The following ADGRB3 variants were observed in gnomAD, a reference collection of about 807,000 sequenced individuals.
The protein encoded by ADGRB3 is adhesion G protein-coupled receptor B3, also known as brain-specific angiogenesis inhibitor 3.
A neutral mutation model predicts 193.4 loss-of-function variants in ADGRB3; 37 were observed. The ratio of observed to expected loss-of-function variants is 0.19; its 90% confidence interval spans 0.15 to 0.25. The LOEUF (loss-of-function observed/expected upper bound fraction) is 0.25, where lower values mean the gene tolerates loss of function less well. Ranked by LOEUF, ADGRB3 falls within the 10% of genes least tolerant of loss-of-function variation. The pLI is 1.00. For synonymous variants in ADGRB3, 690 were observed against 644.2 expected (o/e 1.07, Z -1.08); for missense variants, 1,637 against 1,852.9 (o/e 0.88, Z 2.14).
At chr6:69,318,947 A>G (rs2127304845) in intron 20 of ADGRB3, among the ~76,000 whole-genome samples, 1 of 150,964 alleles carries the variant, frequency 6.6e-6, no homozygotes, top group East Asian at 1.9e-4. Context: ...TATCATCACA[A>G]TGGCCAAGGT....
intron 3 of ADGRB3, among the ~76,000 whole-genome samples, chr6:68,743,338 C>A (rs1766017347): frequency 7.8e-6 from 1 of 128,334 alleles, no homozygotes; most frequent in Non-Finnish European, 1.7e-5. Flanking sequence ...GAATCTTCTA[C>A]TTGTTTTTTT....
At chr6:69,091,608 A>G (rs1772711341) in intron 17 of ADGRB3, among the ~76,000 whole-genome samples, 1 of 152,252 alleles carries the variant, frequency 6.6e-6, no homozygotes, top group South Asian at 2.1e-4. Context: ...ATGAATACAT[A>G]GAAGGAAACA....
chr6:68,720,125 G>T (rs769734709), intron 3 of ADGRB3, among the ~76,000 whole-genome samples: 3 of 151,796 alleles, frequency 2.0e-5, no homozygotes, highest in Non-Finnish European at 4.4e-5. Context: ...ACTATGAATT[G>T]ATATGTTTAA....
At chr6:69,096,605 G>A (rs535457870) in intron 17 of ADGRB3, among the ~76,000 whole-genome samples, 1 of 152,192 alleles carries the variant, frequency 6.6e-6, no homozygotes, top group Admixed American at 6.5e-5. Flanking sequence ...TGACCCCCAA[G>A]TCACTATAAT....
At chr6:69,306,268 A>G (rs1208226617) in intron 20 of ADGRB3, among the ~76,000 whole-genome samples, 1 of 150,306 alleles carries the variant, frequency 6.7e-6, no homozygotes, top group Non-Finnish European at 1.5e-5. Flanking sequence ...CATAAGCCCA[A>G]TGTTGTCACG....
chr6:68,900,817 T>C (rs1177132501), intron 3 of ADGRB3, among the ~76,000 whole-genome samples: 1 of 152,160 alleles, frequency 6.6e-6, no homozygotes, highest in Admixed American at 6.6e-5. Flanking sequence ...GAAGGAACAG[T>C]GCTTCTCCTT....
intron 3 of ADGRB3, among the ~76,000 whole-genome samples, chr6:68,752,076 A>G (rs969438128): frequency 6.6e-6 from 1 of 152,106 alleles, no homozygotes; most frequent in Non-Finnish European, 1.5e-5. Context: ...CTTTTTGGAA[A>G]CCTATGATTT....
intron 3 of ADGRB3, among the ~76,000 whole-genome samples, chr6:68,759,317 TTAAAC>T (rs577029432): frequency 5.3e-4 from 80 of 152,288 alleles, no homozygotes; most frequent in African/African-American, 1.7e-3. Flanking sequence ...TCCAAATTAT[TTAAAC>T]TAATTTGCTA....
intron 3 of ADGRB3, among the ~76,000 whole-genome samples, chr6:68,888,574 C>T (rs1211011861): frequency 6.6e-6 from 1 of 150,798 alleles, no homozygotes; most frequent in East Asian, 1.9e-4. Context: ...CACACACACA[C>T]ATAAAAAAAA....
intron 4 of ADGRB3, among the ~76,000 whole-genome samples, chr6:68,934,831 A>G (rs1420861938): frequency 6.6e-6 from 1 of 152,232 alleles, no homozygotes; most frequent in Admixed American, 6.5e-5. Context: ...CATGGCTTTA[A>G]CTGTTATTCA....
intron 3 of ADGRB3, among the ~76,000 whole-genome samples, chr6:68,681,145 A>G (rs555229516): frequency 6.6e-6 from 1 of 152,072 alleles, no homozygotes; most frequent in Admixed American, 6.5e-5. Flanking sequence ...AACCAGCTCT[A>G]ACTAATAGAG....
chr6:68,734,087 G>A (rs1285517484), intron 3 of ADGRB3, among the ~76,000 whole-genome samples: 2 of 151,506 alleles, frequency 1.3e-5, no homozygotes, highest in Non-Finnish European at 2.9e-5. Context: ...AGCAACTATG[G>A]TATTTTTTTT....
intron 3 of ADGRB3, among the ~76,000 whole-genome samples, chr6:68,893,597 G>A: frequency 1.4e-5 from 2 of 147,452 alleles, no homozygotes; most frequent in Admixed American, 6.7e-5. Context: ...AAAGAAAAAA[G>A]AAACAAAGAG....
At chr6:69,044,193 C>T (rs1771169967) in intron 13 of ADGRB3, among the ~76,000 whole-genome samples, 1 of 152,204 alleles carries the variant, frequency 6.6e-6, no homozygotes, top group Admixed American at 6.5e-5. Context: ...GACCACTGTT[C>T]TTATATTTTG....
chr6:69,055,446 T>C (rs1180770231), intron 15 of ADGRB3, among the ~76,000 whole-genome samples: 1 of 152,224 alleles, frequency 6.6e-6, no homozygotes, highest in East Asian at 1.9e-4. Flanking sequence ...TCATTTGTCT[T>C]GTAGCATATG....
At chr6:68,710,216 A>C (rs955062606) in intron 3 of ADGRB3, among the ~76,000 whole-genome samples, 7 of 152,110 alleles carry the variant, frequency 4.6e-5, no homozygotes, top group African/African-American at 1.7e-4. Context: ...TTAACCTGAG[A>C]TCTTAACAAA....
rs1336643 is a variant in ADGRB3, at chr6:68,987,720, T to C, written c.1735-6048T>C. ...AGAATGCAGTTAACCTTACTAAGTC[T>C]CCACTCCTTCATCTGTAAATGTGAA... On this transcript the variant is annotated intron_variant, in intron 10 of 31. Transcript: ENST00000370598. 2.8e-3 allele frequency among the ~76,000 whole-genome samples: 419 copies of C among 152,198 alleles called. 4 individuals carry two copies. Among genetic ancestry groups the C allele is most frequent in the African/African-American group, 9.6e-3 (400 of 41,540 alleles).
intron 9 of ADGRB3, 59 bp from the exon 10 acceptor site, chr6:68,975,175 G>T: frequency 7.3e-7 from 1 of 1,378,624 alleles, no homozygotes; most frequent in Non-Finnish European, 1.0e-6. Flanking sequence ...TCCCAGCTAA[G>T]TGTGATGCCT....
chr6:68,766,836 T>A (rs1014660940), intron 3 of ADGRB3, among the ~76,000 whole-genome samples: 1 of 152,030 alleles, frequency 6.6e-6, no homozygotes, highest in African/African-American at 2.4e-5. Flanking sequence ...AGTATCTGTA[T>A]ATGATTAAAA....
Sources: gnomAD v4.1 joint callset for allele counts (sites outside exome capture counted in the v4.1 genomes callset) on GRCh38, gnomAD v4.1.1 for gene constraint, MANE v1.5 for transcripts, NCBI Gene and HGNC (gene_info 2026-07-23, HGNC 2026-07-21) for gene names.